The following USP14 variants were observed in gnomAD, a reference collection of about 807,000 sequenced individuals.
USP14 encodes ubiquitin specific peptidase 14.
Under a neutral mutation model 76.5 loss-of-function variants are expected in USP14, and 38 were observed. That is an observed-to-expected ratio of 0.50 (90% CI 0.38 to 0.65). USP14 has a LOEUF of 0.65. Among genes scored for constraint, USP14 ranks in the 30% least tolerant of loss-of-function variants. The pLI, the probability that USP14 is intolerant of heterozygous loss-of-function variation, is 0.00. For missense variants in USP14, 467 were observed against 586.5 expected (o/e 0.80, Z 2.10); for synonymous variants, 192 against 191.7 (o/e 1.00, Z -0.01).
chr18:159,699 A>G (rs1490458695), intron 1 of USP14, among the ~76,000 whole-genome samples: 2 of 152,204 alleles, frequency 1.3e-5, no homozygotes, highest in African/African-American at 4.8e-5. Flanking sequence ...AGCCATAACA[A>G]CAGTAGAATG....
intron 3 of USP14, among the ~76,000 whole-genome samples, chr18:173,217 C>T (rs1443955599): frequency 6.6e-6 from 1 of 151,188 alleles, no homozygotes; most frequent in Non-Finnish European, 1.5e-5. Context: ...ACGCCATTCT[C>T]CTGCCTCAGC....
At chr18:169,449 TAA>T (rs1909380656) in intron 3 of USP14, among the ~76,000 whole-genome samples, 1 of 151,908 alleles carries the variant, frequency 6.6e-6, no homozygotes, top group African/African-American at 2.4e-5. Context: ...TACATTTTGT[TAA>T]GTGTTTTTTC....
chr18:212,103 G>A lies in USP14; in HGVS notation c.*819G>A, dbSNP rs2143111456. ...AGTGTTGGAGCTTGGCTGAAGACAT[G>A]TTTAATACTGTACAATTTCTGAAGA... On this transcript the variant is annotated 3_prime_UTR_variant, in exon 16 of 16. Coordinates refer to ENST00000261601, the MANE Select transcript of USP14 (RefSeq NM_005151.4). The A allele has an allele frequency of 6.6e-6, 1 of 152,320 alleles. No homozygotes were observed. Among genetic ancestry groups the A allele is most frequent in the Admixed American group, 6.5e-5 (1 of 15,304 alleles). 9.4% of individuals were successfully genotyped at this position (152,320 alleles called of 1,614,324 possible).
intron 10 of USP14, among the ~76,000 whole-genome samples, chr18:200,002 T>C (rs1047418424): frequency 6.6e-6 from 1 of 152,180 alleles, no homozygotes; most frequent in African/African-American, 2.4e-5. Context: ...ACAAAAGCAT[T>C]ATTGACATGG....
At chr18:208,050 C>A (rs559493888) in intron 13 of USP14, among the ~76,000 whole-genome samples, 113 of 151,822 alleles carry the variant, frequency 7.4e-4, no homozygotes, top group African/African-American at 2.7e-3. Context: ...GAACAGTCTG[C>A]TTAGAGATTT....
chr18:158,571 G>GCACCGAAGCCGCCGCCAC lies in USP14; in HGVS notation c.-122_-105dup. ...GTGGCCGGTTTGAATGAGACTCGTC[G>GCACCGAAGCCGCCGCCAC]CACCGAAGCCGCCGCCACCACCGCG... On this transcript the variant is annotated 5_prime_UTR_variant, in exon 1 of 16. Transcript: ENST00000261601. 1.1e-6 allele frequency: 1 copy of GCACCGAAGCCGCCGCCAC among 949,480 alleles called. No homozygotes were observed. The highest frequency in any genetic ancestry group is 1.6e-5 in the South Asian group (1 of 60,920). The allele number at this position is 949,480 out of a possible 1,614,324, so 58.8% of individuals were successfully genotyped here. A position where few individuals can be genotyped will look rare whatever the true frequency, so the allele number is the denominator to read the frequency against.
chr18:210,439 C>A lies in USP14; in HGVS notation c.1279C>A (p.Gln427Lys), dbSNP rs1277484234. ...TGACTTACAAGCAGTACTAACACAC[C>A]AGGGAAGGTCTAGTTCTTCAGGTCA... ...YYDLQAVLTH[Q>K]GRSSSSGHYV... The change falls in exon 15 of 16, where the codon CAG becomes AAG. Residue 427 changes from glutamine to lysine, a missense_variant. Physicochemically the swap from Gln to Lys is moderately conservative, Grantham distance 53. Coordinates refer to ENST00000261601, the MANE Select transcript of USP14 (RefSeq NM_005151.4). 1 of 1,611,708 alleles carries A rather than the reference C, an allele frequency of 6.2e-7. No individual in the cohort carries two copies. The highest frequency in any genetic ancestry group is 8.5e-7 in the Non-Finnish European group (1 of 1,178,876).
At chr18:171,025 A>ATATATATATATATATATATATATATAT (rs1555762344) in intron 3 of USP14, among the ~76,000 whole-genome samples, 4 of 47,650 alleles carry the variant, frequency 8.4e-5, no homozygotes, top group South Asian at 9.1e-4. Context: ...AAAAAAAAAA[A>ATATATATATATATATATATATATATAT]ATATATATAT....
intron 13 of USP14, among the ~76,000 whole-genome samples, chr18:207,069 CTG>C (rs1910550639): frequency 9.4e-6 from 1 of 105,960 alleles, no homozygotes; most frequent in Non-Finnish European, 2.5e-5. Flanking sequence ...TTTAAGAAGA[CTG>C]TTCTTTGCCC....
At chr18:165,932 C>T (rs1909258034) in intron 2 of USP14, among the ~76,000 whole-genome samples, 1 of 151,968 alleles carries the variant, frequency 6.6e-6, no homozygotes, top group African/African-American at 2.4e-5. Flanking sequence ...AATATAGAAT[C>T]GACTTTATCC....
chr18:161,579 C>T (rs1056107393), intron 1 of USP14, among the ~76,000 whole-genome samples: 1 of 152,140 alleles, frequency 6.6e-6, no homozygotes, highest in Non-Finnish European at 1.5e-5. Context: ...TCCCACCCCC[C>T]CATTAGGCTG....
Position 196,734 on chromosome 18 carries a change from C to A in USP14, c.561C>A (p.Ala187=). The change falls in exon 7 of 16, where the codon GCC becomes GCA. Residue 187 remains alanine, a synonymous_variant. Transcript: ENST00000261601. ...TGCACATGGCTTTCCCACAGTTTGC[C>A]GAGAAAGGTGAACAAGGACAGTATC... ...QFLHMAFPQF[A]EKGEQGQYLQ... is the part of the protein sequence containing the mutation. The A allele has an allele frequency of 6.2e-7, 1 of 1,613,878 alleles. No homozygotes were observed. The highest frequency in any genetic ancestry group is 8.5e-7 in the Non-Finnish European group (1 of 1,179,960).
At chr18:167,934 C>CTTTTTT (rs34207469) in intron 3 of USP14, among the ~76,000 whole-genome samples, 5 of 116,120 alleles carry the variant, frequency 4.3e-5, no homozygotes, top group African/African-American at 6.5e-5. Context: ...ATTTTTCTCT[C>CTTTTTT]TTTTTTTTTT....
At chr18:195,439 T>G (rs1019144952) in intron 6 of USP14, among the ~76,000 whole-genome samples, 11 of 152,264 alleles carry the variant, frequency 7.2e-5, no homozygotes, top group African/African-American at 2.2e-4. Flanking sequence ...ATCTTGGGTA[T>G]TAATAAAACA....
At chr18:204,742 A>G in intron 13 of USP14, 50 bp downstream of exon 13, 1 of 1,584,036 alleles carries the variant, frequency 6.3e-7, no homozygotes, top group South Asian at 1.2e-5. Context: ...ATCTCCCATC[A>G]GTGCTCAGCA....
At chr18:210,582 G>T in intron 15 of USP14, 89 bp downstream of exon 15, 3 of 955,238 alleles carry the variant, frequency 3.1e-6, no homozygotes, top group Non-Finnish European at 3.0e-6. Context: ...TCAAACTTTG[G>T]GTCTCAGAAC....
rs113367384 is a variant in USP14 at position 180,799 on chromosome 18, C to T, written c.404+460C>T. The stretch of plus-strand genomic sequence containing the variant: ...TGAATAGTATTTCATGGTTCACTCA[C>T]GTTACAGCACACGTAACACCTCATT... On this transcript the variant is annotated intron_variant, in intron 5 of 15. Coordinates refer to ENST00000261601, the MANE Select transcript of USP14 (RefSeq NM_005151.4). Among the ~76,000 whole-genome samples the T allele has an allele frequency of 2.8e-3, 416 of 146,578 alleles. 1 individual carries two copies. Among genetic ancestry groups the T allele is most frequent in the Non-Finnish European group, 4.0e-3 (265 of 66,188 alleles).
At chr18:209,907 TAC>T (rs371076284) in intron 13 of USP14, 62 bp from the exon 14 acceptor site, 25 of 1,288,714 alleles carry the variant, frequency 1.9e-5, no homozygotes, top group South Asian at 1.6e-4. Context: ...ATTGAACACT[TAC>T]AGAGAATTCA....
chr18:171,084 G>A (rs1469365275), intron 3 of USP14, among the ~76,000 whole-genome samples: 1 of 140,172 alleles, frequency 7.1e-6, no homozygotes, highest in Non-Finnish European at 1.5e-5. Context: ...GTTGGTTCAC[G>A]AGGTTTAAAG....
Sources: allele counts gnomAD v4.1 joint callset (sites outside exome capture counted in the v4.1 genomes callset), GRCh38; gene constraint gnomAD v4.1.1; transcripts MANE v1.5; gene names NCBI Gene and HGNC (gene_info 2026-07-23, HGNC 2026-07-21).